Variants in BOC observed in about 807,000 individuals in gnomAD.
The protein encoded by BOC is BOC cell adhesion associated, oncogene regulated, also known as brother of CDO.
In BOC, 76 loss-of-function variants were observed where a neutral mutation model predicts 112.0. The ratio of observed to expected loss-of-function variants is 0.68; its 90% CI spans 0.56 to 0.82. BOC has a LOEUF of 0.82. Ranked by LOEUF, BOC falls within the 40% of genes least tolerant of loss-of-function variation. The probability of loss-of-function intolerance (pLI) is 0.00; values close to 1 mark genes in which losing one functional copy is unlikely to be tolerated. For synonymous variants in BOC, 580 were observed against 599.8 expected (o/e 0.97, Z 0.48); for missense variants, 1,309 against 1,511.7 (o/e 0.87, Z 2.22).
At chr3:113,245,654 A>C (rs978099678) in intron 2 of BOC, among the ~76,000 whole-genome samples, 1 of 152,216 alleles carries the variant, frequency 6.6e-6, no homozygotes, top group African/African-American at 2.4e-5. Flanking sequence ...ATGAAAAGTA[A>C]CTTGGAGCAG....
At position 113,280,654 on chromosome 3, in the gene BOC, A is replaced by G; in HGVS notation, c.2302A>G (p.Met768Val). ...SDNDSDYKKD[M>V]VEGDKYWHSI... Reference sequence around the variant, plus strand: ...CAATGATAGTGACTACAAGAAGGATATGGTGGAAGGTGAGACACAGTTCTG... The same window carrying G: ...CAATGATAGTGACTACAAGAAGGATGTGGTGGAAGGTGAGACACAGTTCTG... Residue 768 changes from methionine to valine, a missense_variant, in exon 14 of 20, where the codon ATG becomes GTG. Physicochemically the swap from Met to Val is conservative, Grantham distance 21. Coordinates refer to ENST00000682979, the MANE Select transcript of BOC (RefSeq NM_001378074.1). The G allele has an allele frequency of 6.2e-7, 1 of 1,600,714 alleles. No homozygotes were observed.
intron 5 of BOC, 142 bp from the exon 6 acceptor site, chr3:113,270,659 C>G: frequency 1.1e-6 from 1 of 918,150 alleles, no homozygotes; most frequent in Non-Finnish European, 1.6e-6. Flanking sequence ...TAGGCTTTGT[C>G]TTGTGGGGAC....
intron 4 of BOC, among the ~76,000 whole-genome samples, chr3:113,265,029 G>A (rs1034470741): frequency 6.6e-6 from 1 of 152,220 alleles, no homozygotes; most frequent in Non-Finnish European, 1.5e-5. Context: ...CCAGTGCCCA[G>A]CTTCATGCTC....
chr3:113,273,359 G>T lies in BOC; in HGVS notation c.1234+18G>T. 6.4e-7 allele frequency: 1 copy of T among 1,570,990 alleles called. No homozygotes were observed. Among genetic ancestry groups the T allele is most frequent in the Non-Finnish European group, 8.7e-7 (1 of 1,149,964 alleles). ...CAGGCCAAGTGAGTGTAGCCCAGGG[G>T]TCTGAGATTCCAGCTGATGATTCAC... is the stretch of plus-strand genomic sequence containing the variant. On this transcript the variant is annotated intron_variant, in intron 8 of 19. Coordinates refer to ENST00000682979, the MANE Select transcript of BOC (RefSeq NM_001378074.1).
At chr3:113,280,783 TC>T (rs1949119162) in intron 14 of BOC, 120 bp downstream of exon 14, 11 of 924,084 alleles carry the variant, frequency 1.2e-5, no homozygotes, top group Middle Eastern at 2.1e-4. Flanking sequence ...GACACGAAGC[TC>T]TAAGCTCCGT....
intron 1 of BOC, among the ~76,000 whole-genome samples, chr3:113,213,889 T>G (rs1012698506): frequency 6.6e-6 from 1 of 152,204 alleles, no homozygotes; most frequent in African/African-American, 2.4e-5. Flanking sequence ...TGTCCTCCCC[T>G]GTATAGATTT....
chr3:113,234,687 G>A (rs1461709444), intron 2 of BOC, among the ~76,000 whole-genome samples: 6 of 152,194 alleles, frequency 3.9e-5, no homozygotes, highest in African/African-American at 1.4e-4. Context: ...TGCGCCCAGT[G>A]CCCACCAGGG....
intron 2 of BOC, among the ~76,000 whole-genome samples, chr3:113,249,025 C>T (rs1945287736): frequency 6.6e-6 from 1 of 152,040 alleles, no homozygotes; most frequent in Non-Finnish European, 1.5e-5. Flanking sequence ...AGTGAGGGGT[C>T]TTGGCTGGCT....
chr3:113,240,716 T>C (rs1162238858), intron 2 of BOC, among the ~76,000 whole-genome samples: 1 of 152,266 alleles, frequency 6.6e-6, no homozygotes, highest in African/African-American at 2.4e-5. Flanking sequence ...AGGAATTCTA[T>C]CATATCTTGG....
intron 4 of BOC, among the ~76,000 whole-genome samples, chr3:113,254,381 A>T (rs1335293915): frequency 6.6e-6 from 1 of 152,096 alleles, no homozygotes; most frequent in Non-Finnish European, 1.5e-5. Flanking sequence ...CAAAGCTTGG[A>T]GGAGGCAGCA....
At chr3:113,285,591 A>G (rs1426833079) in intron 19 of BOC, 26 bp downstream of exon 19, 1 of 1,538,370 alleles carries the variant, frequency 6.5e-7, no homozygotes, top group Non-Finnish European at 8.8e-7. Context: ...AGGGCAGGGA[A>G]ATTAAACAGG....
chr3:113,231,674 A>G (rs909368893), intron 2 of BOC, among the ~76,000 whole-genome samples: 1 of 152,206 alleles, frequency 6.6e-6, no homozygotes, highest in Non-Finnish European at 1.5e-5. Context: ...AAGAAATCTG[A>G]TAGCTTTTCT....
rs377137997 is a variant in BOC, at chr3:113,250,668, A to G, written c.211A>G (p.Asn71Asp). ...AAGGATGAATGTAACCTGGCGCCTG[A>G]ATGGAAAGGAGCTGAATGGCTCGGA... Reference protein sequence around the residue: ...PPRMNVTWRLNGKELNGSDDA... With the variant: ...PPRMNVTWRLDGKELNGSDDA... The change falls in exon 4 of 20, where the codon AAT becomes GAT. Residue 71 changes from asparagine to aspartate, a missense_variant. By Grantham distance (23) the Asn-to-Asp change is conservative. Transcript: ENST00000682979. 21 of 1,613,970 alleles carry G rather than the reference A, an allele frequency of 1.3e-5. 1 individual carries two copies. In the East Asian group the frequency reaches 2.0e-4, roughly 15 times the overall value.
At chr3:113,222,962 C>T (rs1941010737) in intron 2 of BOC, among the ~76,000 whole-genome samples, 2 of 152,230 alleles carry the variant, frequency 1.3e-5, no homozygotes, top group Admixed American at 6.5e-5. Flanking sequence ...ACAGACGGTC[C>T]CTGCCATTGG....
At chr3:113,272,016 A>G in intron 6 of BOC, 1 of 228,814 alleles carries the variant, frequency 4.4e-6, no homozygotes, top group East Asian at 9.7e-5. Context: ...AGCATGGCAG[A>G]TTCTTGTTTC....
At chr3:113,257,736 A>C (rs1354335180) in intron 4 of BOC, among the ~76,000 whole-genome samples, 1 of 152,074 alleles carries the variant, frequency 6.6e-6, no homozygotes, top group Non-Finnish European at 1.5e-5. Flanking sequence ...CTACCTCTTT[A>C]ATTTAATTTT....
At chr3:113,246,945 G>C (rs1218973308) in intron 2 of BOC, among the ~76,000 whole-genome samples, 2 of 152,132 alleles carry the variant, frequency 1.3e-5, no homozygotes. Context: ...ATTACCGAGG[G>C]TGCAGAAGTA....
chr3:113,269,707 AGG>A (rs1947901143), intron 5 of BOC: 1 of 152,236 alleles, frequency 6.6e-6, no homozygotes, highest in Non-Finnish European at 1.5e-5. Flanking sequence ...ACTGGAGACT[AGG>A]GGAAGAAGAG....
chr3:113,263,619 A>G (rs1386985783), intron 4 of BOC, among the ~76,000 whole-genome samples: 1 of 152,234 alleles, frequency 6.6e-6, no homozygotes, highest in Non-Finnish European at 1.5e-5. Flanking sequence ...GTAGTTGGAC[A>G]CGTAAAGTCC....
Sources: allele counts gnomAD v4.1 joint callset (sites outside exome capture counted in the v4.1 genomes callset), GRCh38; gene constraint gnomAD v4.1.1; transcripts MANE v1.5; gene names NCBI Gene and HGNC (gene_info 2026-07-23, HGNC 2026-07-21).